The following COG5 variants were observed in gnomAD, a reference collection of about 807,000 sequenced individuals.
COG5 encodes conserved oligomeric Golgi complex subunit 5.
COG5 carries 86 observed loss-of-function variants against 110.4 expected under a neutral mutation model. The ratio of observed to expected loss-of-function variants is 0.78; its 90% CI spans 0.65 to 0.93. COG5 has a LOEUF of 0.93. Among genes scored for constraint, COG5 ranks in the 40% least tolerant of loss-of-function variants. The pLI is 0.00. For missense variants in COG5, 1,077 were observed against 987.0 expected (o/e 1.09, Z -1.22); for synonymous variants, 360 against 334.6 (o/e 1.08, Z -0.83).
At chr7:107,360,236 T>G (rs1452702960) in intron 10 of COG5, among the ~76,000 whole-genome samples, 1 of 152,132 alleles carries the variant, frequency 6.6e-6, no homozygotes, top group African/African-American at 2.4e-5. Flanking sequence ...ACCTCTCCAC[T>G]AAGAGCTGGA....
intron 10 of COG5, among the ~76,000 whole-genome samples, chr7:107,330,477 T>C (rs1164074321): frequency 6.6e-6 from 1 of 152,238 alleles, no homozygotes; most frequent in Non-Finnish European, 1.5e-5. Context: ...GAATAATTAA[T>C]ACTTAAACAA....
intron 11 of COG5, among the ~76,000 whole-genome samples, chr7:107,304,914 T>A (rs1343920477): frequency 6.6e-6 from 1 of 152,214 alleles, no homozygotes; most frequent in Non-Finnish European, 1.5e-5. Flanking sequence ...TTGTAAAAGC[T>A]GGATATGCAA....
At chr7:107,466,297 A>G (rs1361483732) in intron 6 of COG5, among the ~76,000 whole-genome samples, 1 of 152,208 alleles carries the variant, frequency 6.6e-6, no homozygotes, top group Non-Finnish European at 1.5e-5. Context: ...ATAAATTGTA[A>G]TAATAGTCAC....
At chr7:107,210,270 C>T (rs1799067743) in intron 21 of COG5, 1 of 1,379,282 alleles carries the variant, frequency 7.3e-7, no homozygotes, top group South Asian at 1.8e-5. Context: ...ATGCATGGTC[C>T]TTAGGGTTGC....
chr7:107,369,307 A>G (rs763382861), intron 8 of COG5, among the ~76,000 whole-genome samples: 2 of 151,620 alleles, frequency 1.3e-5, no homozygotes, highest in African/African-American at 4.8e-5. Flanking sequence ...AATGCTGTGT[A>G]TTAATCCCCT....
chr7:107,215,695 A>G (rs1234640209), intron 19 of COG5, among the ~76,000 whole-genome samples: 1 of 151,758 alleles, frequency 6.6e-6, no homozygotes, highest in East Asian at 1.9e-4. Flanking sequence ...AAACCCAGCT[A>G]TGTGCTGCCT....
intron 10 of COG5, 89 bp from the exon 11 acceptor site, chr7:107,324,610 TATTTA>T: frequency 1.5e-6 from 1 of 671,742 alleles, no homozygotes; most frequent in Non-Finnish European, 2.6e-6. Context: ...CTTGAAAAGT[TATTTA>T]AAATTTAAAT....
intron 6 of COG5, among the ~76,000 whole-genome samples, chr7:107,420,841 A>C (rs1053097159): frequency 2.0e-5 from 3 of 151,842 alleles, no homozygotes; most frequent in Non-Finnish European, 4.4e-5. Flanking sequence ...GCTTAAGTAA[A>C]CTCCTTTAGC....
intron 7 of COG5, among the ~76,000 whole-genome samples, chr7:107,407,504 G>A (rs917464091): frequency 1.3e-5 from 2 of 151,934 alleles, no homozygotes; most frequent in Non-Finnish European, 2.9e-5. Flanking sequence ...AAAAGATATA[G>A]TACTAGGTCT....
intron 19 of COG5, among the ~76,000 whole-genome samples, chr7:107,228,015 G>A (rs1247337600): frequency 6.6e-6 from 1 of 152,172 alleles, no homozygotes; most frequent in African/African-American, 2.4e-5. Context: ...CCTAGGCCAG[G>A]TGTGGTGGCT....
chr7:107,511,329 C>T (rs550355107), intron 6 of COG5, among the ~76,000 whole-genome samples: 1 of 152,274 alleles, frequency 6.6e-6, no homozygotes, highest in South Asian at 2.1e-4. Context: ...CATACACCAT[C>T]CCAAGACTAA....
At chr7:107,204,220 T>G (rs1055606620) in intron 21 of COG5, among the ~76,000 whole-genome samples, 8 of 152,212 alleles carry the variant, frequency 5.3e-5, no homozygotes, top group African/African-American at 1.9e-4. Flanking sequence ...ATGATTATGA[T>G]CTCATGGATT....
chr7:107,455,960 AT>A lies in COG5; in HGVS notation c.539-43329del, dbSNP rs938447193. On this transcript the variant is annotated intron_variant, in intron 6 of 21. Transcript: ENST00000297135. ...AGACACGCACCACCACACCTGGCTAATTTTTTTTTTTATTTTTTAGTAGAGA... is the reference window on the plus strand; with the variant it reads ...AGACACGCACCACCACACCTGGCTAATTTTTTTTTTATTTTTTAGTAGAGA... Among the ~76,000 whole-genome samples the A allele has an allele frequency of 5.8e-3, 865 of 147,882 alleles. 8 individuals carry two copies. The highest frequency in any genetic ancestry group is 0.02 in the African/African-American group (802 of 40,518).
intron 12 of COG5, among the ~76,000 whole-genome samples, chr7:107,289,966 T>C (rs1038329339): frequency 6.6e-6 from 1 of 152,212 alleles, no homozygotes; most frequent in African/African-American, 2.4e-5. Context: ...AGCTGCAAGA[T>C]GGAAGGCCAC....
chr7:107,399,481 T>A (rs968845472), intron 7 of COG5, among the ~76,000 whole-genome samples: 1 of 152,048 alleles, frequency 6.6e-6, no homozygotes, highest in African/African-American at 2.4e-5. Context: ...GGTTTTATAA[T>A]GGGCTCTTTC....
intron 14 of COG5, among the ~76,000 whole-genome samples, chr7:107,279,371 T>C (rs1804981437): frequency 6.6e-6 from 1 of 152,196 alleles, no homozygotes; most frequent in South Asian, 2.1e-4. Context: ...ATTGATTTAG[T>C]TTTCATACCA....
intron 6 of COG5, among the ~76,000 whole-genome samples, chr7:107,464,176 G>T (rs1198316467): frequency 2.6e-5 from 4 of 152,132 alleles, no homozygotes. Context: ...TCAATTTCAA[G>T]TGGCTGCCCA....
At chr7:107,535,608 C>T (rs968443474) in intron 5 of COG5, among the ~76,000 whole-genome samples, 10 of 152,054 alleles carry the variant, frequency 6.6e-5, no homozygotes, top group African/African-American at 2.4e-4. Context: ...AAGACTAAAC[C>T]AGATAGAAGT....
chr7:107,425,824 A>T (rs1461090382), intron 6 of COG5, among the ~76,000 whole-genome samples: 1 of 152,186 alleles, frequency 6.6e-6, no homozygotes, highest in Non-Finnish European at 1.5e-5. Flanking sequence ...CCTAAAATTC[A>T]TATGTTGAAG....
Sources: allele counts gnomAD v4.1 joint callset (sites outside exome capture counted in the v4.1 genomes callset), GRCh38; gene constraint gnomAD v4.1.1; transcripts MANE v1.5; gene names NCBI Gene and HGNC (gene_info 2026-07-23, HGNC 2026-07-21).